Variants in ZFHX3 observed in about 807,000 individuals in gnomAD.
The protein encoded by ZFHX3 is zinc finger homeobox 3, also known as zinc finger homeobox protein 3.
In ZFHX3, 42 loss-of-function variants were observed where a neutral mutation model predicts 279.1. The ratio of observed to expected loss-of-function variants is 0.15; its 90% CI spans 0.12 to 0.19. The LOEUF (loss-of-function observed/expected upper bound fraction) is 0.19. ZFHX3 is among the 10% of genes least tolerant of loss of function. ZFHX3 has a pLI of 1.00. For missense variants in ZFHX3, 4,981 were observed against 4,754.0 expected (o/e 1.05, Z -1.40); for synonymous variants, 2,293 against 1,957.8 (o/e 1.17, Z -4.52).
At chr16:72,929,323 T>A (rs916105626) in intron 3 of ZFHX3, among the ~76,000 whole-genome samples, 12 of 151,938 alleles carry the variant, frequency 7.9e-5, no homozygotes, top group Admixed American at 6.5e-5. Context: ...TGGTTCTACC[T>A]ATATGTTAAA....
At chr16:73,211,568 G>A (rs890287404) in intron 5 of ZFHX3, among the ~76,000 whole-genome samples, 3 of 152,140 alleles carry the variant, frequency 2.0e-5, no homozygotes, top group Non-Finnish European at 4.4e-5. Context: ...ATACCAGTGA[G>A]GCTGCTAGAT....
At chr16:73,023,205 G>A (rs1389023144) in intron 1 of ZFHX3, among the ~76,000 whole-genome samples, 1 of 152,268 alleles carries the variant, frequency 6.6e-6, no homozygotes, top group Middle Eastern at 3.4e-3. Flanking sequence ...CCAGCCTGGC[G>A]ACAGAGCAAG....
chr16:73,257,911 C>T (rs1458832990), intron 4 of ZFHX3, among the ~76,000 whole-genome samples: 1 of 152,174 alleles, frequency 6.6e-6, no homozygotes, highest in African/African-American at 2.4e-5. Flanking sequence ...ACAGTAGATA[C>T]TTGTGACTGA....
chr16:73,424,774 A>AAAAG, intron 3 of ZFHX3, among the ~76,000 whole-genome samples: 2 of 150,466 alleles, frequency 1.3e-5, no homozygotes, highest in Non-Finnish European at 3.0e-5. Context: ...AAAAAAAAAA[A>AAAAG]AAAGAGAAAG....
At position 73,074,980 on chromosome 16, in the gene ZFHX3, T is replaced by TA. The variant is rs200113141; in HGVS notation, c.-532-15969_-532-15968insT. ...TGCCACCACACTCAGCTAATTTTTGTTTTTTTTTGTAGAGACGGGGTTTTG... is the reference window on the plus strand; with the variant it reads ...TGCCACCACACTCAGCTAATTTTTGTATTTTTTTTGTAGAGACGGGGTTTTG... On this transcript the variant is annotated intron_variant, in intron 8 of 17. Coordinates refer to the ZFHX3 transcript ENST00000641206. Among the ~76,000 whole-genome samples, 550 of 145,334 alleles carry TA rather than the reference T, an allele frequency of 3.8e-3. 4 individuals carry two copies. The highest frequency in any genetic ancestry group is 0.013 in the African/African-American group (522 of 41,080).
intron 1 of ZFHX3, among the ~76,000 whole-genome samples, chr16:73,729,625 A>G (rs998519900): frequency 3.9e-5 from 6 of 152,098 alleles, no homozygotes; most frequent in East Asian, 1.9e-4. Flanking sequence ...CCTAAGGTCT[A>G]CTATTGGGGA....
intron 4 of ZFHX3, among the ~76,000 whole-genome samples, chr16:72,862,724 A>C (rs1167219663): frequency 1.3e-5 from 2 of 152,228 alleles, no homozygotes; most frequent in African/African-American, 4.8e-5. Flanking sequence ...GGGGTACAGA[A>C]GAACATGTTC....
chr16:73,129,272 C>A (rs1966630431), intron 7 of ZFHX3, among the ~76,000 whole-genome samples: 1 of 151,916 alleles, frequency 6.6e-6, no homozygotes, highest in Non-Finnish European at 1.5e-5. Flanking sequence ...CCTGTAATCC[C>A]AGCTACTCAG....
At chr16:73,668,630 T>C (rs2052869940) in intron 2 of ZFHX3, among the ~76,000 whole-genome samples, 2 of 146,884 alleles carry the variant, frequency 1.4e-5, no homozygotes, top group African/African-American at 5.2e-5. Flanking sequence ...CCAAAGGACA[T>C]AAACTCATCC....
chr16:72,803,027 G>T (rs540705348), intron 7 of ZFHX3, among the ~76,000 whole-genome samples: 9 of 152,266 alleles, frequency 5.9e-5, no homozygotes, highest in Admixed American at 1.3e-4. Flanking sequence ...AGCTGAAAAT[G>T]GGAAAGTAAT....
intron 2 of ZFHX3, among the ~76,000 whole-genome samples, chr16:73,580,968 C>A (rs1397778824): frequency 6.6e-6 from 1 of 151,800 alleles, no homozygotes; most frequent in Admixed American, 6.6e-5. Context: ...TTTTCAGAAG[C>A]CTTAGTTCCT....
exon 6 of ZFHX3, chr16:73,143,784 A>C: frequency 7.7e-7 from 1 of 1,305,754 alleles, no homozygotes; most frequent in South Asian, 1.2e-5. Context: ...GACACCATCC[A>C]ATAGCGCTAG....
intron 2 of ZFHX3, among the ~76,000 whole-genome samples, chr16:73,606,465 G>T (rs966836997): frequency 1.4e-5 from 2 of 143,412 alleles, no homozygotes; most frequent in African/African-American, 5.2e-5. Flanking sequence ...TAGCTTGGGG[G>T]ACAAGAGTGA....
At chr16:73,365,916 G>A (rs150143151) in intron 3 of ZFHX3, among the ~76,000 whole-genome samples, 3 of 152,300 alleles carry the variant, frequency 2.0e-5, no homozygotes, top group East Asian at 3.9e-4. Context: ...CTACAAGAGT[G>A]GACCTGGGTC....
chr16:73,625,784 G>A (rs576865161), intron 2 of ZFHX3, among the ~76,000 whole-genome samples: 7 of 152,308 alleles, frequency 4.6e-5, no homozygotes, highest in African/African-American at 1.7e-4. Context: ...GCTGATGTTG[G>A]TGGTCCCAGA....
Position 73,484,309 on chromosome 16 carries a change from G to A in ZFHX3, c.-1546-28051C>T, listed in dbSNP as rs891673408. On this transcript the variant is annotated intron_variant, in intron 2 of 17. Transcript: ENST00000641206. Reference sequence around the variant, plus strand: ...CCACCTCACTCCCAAAGAGTCTAAAGTTCTGGCTTGATTGAGGCTCTAATC... The same window carrying A: ...CCACCTCACTCCCAAAGAGTCTAAAATTCTGGCTTGATTGAGGCTCTAATC... Among the ~76,000 whole-genome samples, 15 of 152,146 alleles carry A rather than the reference G, an allele frequency of 9.9e-5. No individual in the cohort carries two copies. In the South Asian group the frequency reaches 1.2e-3, roughly 13 times the overall value.
intron 2 of ZFHX3, among the ~76,000 whole-genome samples, chr16:73,545,807 A>AAAC (rs1322230456): frequency 9.9e-5 from 15 of 152,082 alleles, no homozygotes; most frequent in Non-Finnish European, 2.9e-5. Context: ...AAAAAAAAAA[A>AAAC]AAGTTTTCCC....
intron 1 of ZFHX3, among the ~76,000 whole-genome samples, chr16:73,011,395 G>T (rs1963913331): frequency 6.6e-6 from 1 of 151,934 alleles, no homozygotes; most frequent in Non-Finnish European, 1.5e-5. Flanking sequence ...AACTCCCAAA[G>T]CACTAGGATT....
chr16:73,767,484 T>C (rs757003464), intron 1 of ZFHX3, among the ~76,000 whole-genome samples: 1 of 152,182 alleles, frequency 6.6e-6, no homozygotes, highest in Non-Finnish European at 1.5e-5. Flanking sequence ...CCTTACTGTT[T>C]ATTTCTCAGT....
Sources: allele counts gnomAD v4.1 joint callset (sites outside exome capture counted in the v4.1 genomes callset), GRCh38; gene constraint gnomAD v4.1.1; transcripts MANE v1.5; gene names NCBI Gene and HGNC (gene_info 2026-07-23, HGNC 2026-07-21).